ARHGAP15: variants seen among roughly 807,000 people sequenced by gnomAD.
ARHGAP15 encodes the protein rho GTPase-activating protein 15.
In ARHGAP15, 51 loss-of-function variants were observed where a neutral mutation model predicts 63.7. The ratio of observed to expected loss-of-function variants is 0.80; its 90% CI spans 0.64 to 1.01. The LOEUF is 1.01. ARHGAP15 is among the 50% of genes least tolerant of loss of function. The pLI, the probability that ARHGAP15 is intolerant of heterozygous loss-of-function variation, is 0.00. For missense variants in ARHGAP15, 560 were observed against 564.6 expected, an observed-to-expected ratio of 0.99 and a Z score of 0.08; for synonymous variants, 191 against 193.8, an observed-to-expected ratio of 0.99 and a Z score of 0.12.
At chr2:143,423,805 C>T (rs568223425) in intron 6 of ARHGAP15, among the ~76,000 whole-genome samples, 3 of 152,098 alleles carry the variant, frequency 2.0e-5, no homozygotes, top group Admixed American at 1.3e-4. Flanking sequence ...TTTTATGTAG[C>T]CCTTATAATG....
intron 12 of ARHGAP15, among the ~76,000 whole-genome samples, chr2:143,643,275 G>T (rs1420470000): frequency 6.6e-6 from 1 of 152,010 alleles, no homozygotes; most frequent in Non-Finnish European, 1.5e-5. Context: ...ATAACCTTGG[G>T]CAAGTGACCT....
chr2:143,419,896 G>A (rs1438276925), intron 6 of ARHGAP15, among the ~76,000 whole-genome samples: 16 of 152,192 alleles, frequency 1.1e-4, no homozygotes. Context: ...CAATATCATT[G>A]AAAATGTATA....
At chr2:143,546,488 G>T (rs1011817314) in intron 10 of ARHGAP15, among the ~76,000 whole-genome samples, 11 of 152,228 alleles carry the variant, frequency 7.2e-5, no homozygotes, top group African/African-American at 2.6e-4. Flanking sequence ...ACAGAGTACA[G>T]ATTACTCCTC....
chr2:143,499,420 G>A (rs1692958542), intron 9 of ARHGAP15, among the ~76,000 whole-genome samples: 2 of 152,184 alleles, frequency 1.3e-5, no homozygotes, highest in Admixed American at 1.3e-4. Flanking sequence ...GTGTAAATGG[G>A]CATAGGACAC....
intron 8 of ARHGAP15, among the ~76,000 whole-genome samples, chr2:143,478,880 T>C (rs1410367775): frequency 6.6e-6 from 1 of 152,256 alleles, no homozygotes; most frequent in African/African-American, 2.4e-5. Context: ...TATGTTTTTC[T>C]GTCCTGGCTG....
chr2:143,673,756 G>GTGTGTGTGTATATATATA (rs1682668589), intron 12 of ARHGAP15, among the ~76,000 whole-genome samples: 4 of 30,984 alleles, frequency 1.3e-4, no homozygotes, highest in African/African-American at 2.8e-4. Flanking sequence ...GTGTGTGTGT[G>GTGTGTGTGTATATATATA]TGTATATATA....
intron 6 of ARHGAP15, among the ~76,000 whole-genome samples, chr2:143,394,151 T>A (rs944824343): frequency 6.6e-6 from 1 of 152,202 alleles, no homozygotes; most frequent in Non-Finnish European, 1.5e-5. Context: ...CAAATGGACT[T>A]CTTTGCTCAT....
chr2:143,690,836 C>T (rs947790983), intron 12 of ARHGAP15, among the ~76,000 whole-genome samples: 1 of 152,018 alleles, frequency 6.6e-6, no homozygotes, highest in Non-Finnish European at 1.5e-5. Flanking sequence ...CAGCTAAAAA[C>T]CATACCAAAA....
At chr2:143,495,310 C>G (rs899286447) in intron 9 of ARHGAP15, among the ~76,000 whole-genome samples, 2 of 152,034 alleles carry the variant, frequency 1.3e-5, no homozygotes, top group Non-Finnish European at 2.9e-5. Context: ...GCTTAAAGCT[C>G]GAGAAATCAT....
chr2:143,280,210 A>G (rs1005889620), intron 6 of ARHGAP15, among the ~76,000 whole-genome samples: 1 of 152,130 alleles, frequency 6.6e-6, no homozygotes, highest in African/African-American at 2.4e-5. Context: ...TTCCAGTTCT[A>G]AAGGAAAAGA....
chr2:143,658,515 A>T (rs1048569898), intron 12 of ARHGAP15, among the ~76,000 whole-genome samples: 5 of 152,190 alleles, frequency 3.3e-5, no homozygotes, highest in African/African-American at 1.2e-4. Context: ...CAGAAAATCA[A>T]CTCAAAAGGG....
chr2:143,189,045 A>G (rs572060903), intron 2 of ARHGAP15, among the ~76,000 whole-genome samples: 21 of 152,214 alleles, frequency 1.4e-4, no homozygotes, highest in African/African-American at 5.1e-4. Flanking sequence ...TAGTCCTTCC[A>G]TATCAGGAAA....
intron 12 of ARHGAP15, among the ~76,000 whole-genome samples, chr2:143,646,764 G>A (rs1680899723): frequency 6.6e-6 from 1 of 152,010 alleles, no homozygotes; most frequent in Non-Finnish European, 1.5e-5. Flanking sequence ...GATCTAAAAA[G>A]TGTGTCCTCT....
At chr2:143,296,556 G>T (rs978448645) in intron 6 of ARHGAP15, among the ~76,000 whole-genome samples, 4 of 151,916 alleles carry the variant, frequency 2.6e-5, no homozygotes, top group Admixed American at 1.3e-4. Context: ...TGGGTAAAAA[G>T]TTAGGCTTCA....
intron 12 of ARHGAP15, among the ~76,000 whole-genome samples, chr2:143,697,872 G>T (rs1048304944): frequency 2.0e-5 from 3 of 152,126 alleles, no homozygotes; most frequent in African/African-American, 7.2e-5. Flanking sequence ...ACTAAATTCG[G>T]AAATGGCCAC....
chr2:143,249,535 G>A (rs1339356310), intron 5 of ARHGAP15, among the ~76,000 whole-genome samples: 1 of 152,014 alleles, frequency 6.6e-6, no homozygotes, highest in Non-Finnish European at 1.5e-5. Flanking sequence ...AGTATTTTAT[G>A]GACAATGACT....
intron 12 of ARHGAP15, among the ~76,000 whole-genome samples, chr2:143,657,284 T>C (rs1681501282): frequency 6.6e-6 from 1 of 152,144 alleles, no homozygotes; most frequent in African/African-American, 2.4e-5. Context: ...GAGGCGGAGC[T>C]TGCAGTGAGC....
intron 11 of ARHGAP15, among the ~76,000 whole-genome samples, chr2:143,592,348 A>G (rs3925008): frequency 0.078 from 11,840 of 152,270 alleles, 595 homozygotes; most frequent in Middle Eastern, 0.15. Context: ...GGAGAATTGA[A>G]TACTTTTAGG....
rs1434394646 is a variant in ARHGAP15 at position 143,330,119 on chromosome 2, AAAAAAAAAAAAACCAAAAAC to A, written c.474+79526_474+79545del. The stretch of plus-strand genomic sequence containing the variant: ...CAAAAAAAAAAAAAAAAAAAAAAAA[AAAAAAAAAAAAACCAAAAAC>A]AAAAAACTAAACTAATGATTAATAA... On this transcript the variant is annotated intron_variant, in intron 6 of 13. Transcript: ENST00000295095. Among the ~76,000 whole-genome samples the A allele has an allele frequency of 2.1e-4, 14 of 67,154 alleles. 1 individual carries two copies. Among genetic ancestry groups the A allele is most frequent in the East Asian group, 1.0e-3 (3 of 2,928 alleles). The allele number at this position is 67,154 out of a possible 152,430, so 44.1% of individuals were successfully genotyped here. A position where few individuals can be genotyped will look rare whatever the true frequency, so the allele number is the denominator to read the frequency against.
Sources: allele counts gnomAD v4.1 joint callset (sites outside exome capture counted in the v4.1 genomes callset), GRCh38; gene constraint gnomAD v4.1.1; transcripts MANE v1.5; gene names NCBI Gene and HGNC (gene_info 2026-07-23, HGNC 2026-07-21).